NXPE2: variants seen among roughly 807,000 people sequenced by gnomAD.
NXPE2 encodes neurexophilin and PC-esterase domain family member 2, also known as NXPE family member 2.
NXPE2 carries 34 observed loss-of-function variants against 34.4 expected under a neutral mutation model. That is an observed-to-expected ratio of 0.99 (90% CI 0.75 to 1.31). The LOEUF is 1.31. Among genes scored for constraint, NXPE2 ranks in the 40% most tolerant of loss-of-function variants. The pLI, the probability that NXPE2 is intolerant of heterozygous loss-of-function variation, is 0.00. For synonymous variants in NXPE2, 235 were observed against 231.3 expected (o/e 1.02, Z -0.15); for missense variants, 649 against 672.5 (o/e 0.97, Z 0.39).
At chr11:114,624,946 CGTGA>C in the NXPE2 span, among the ~76,000 whole-genome samples, 1,954 of 152,160 alleles carry the variant, frequency 0.013, 30 homozygotes, top group African/African-American at 0.044. Flanking sequence ...CGTGTTGCCT[CGTGA>C]GTAACCACTG....
chr11:114,631,927 G>A, the NXPE2 span, among the ~76,000 whole-genome samples: 45 of 150,952 alleles, frequency 3.0e-4, no homozygotes, highest in African/African-American at 1.1e-3. Context: ...GTTACCCGGT[G>A]GATAATAAAT....
At chr11:114,812,112 C>A in the NXPE2 span, among the ~76,000 whole-genome samples, 1 of 152,212 alleles carries the variant, frequency 6.6e-6, no homozygotes, top group Admixed American at 6.5e-5. Context: ...TTTAATCACA[C>A]ACAGTGGAGT....
chr11:114,673,047 T>G, the NXPE2 span, among the ~76,000 whole-genome samples: 1 of 148,962 alleles, frequency 6.7e-6, no homozygotes, highest in Non-Finnish European at 1.5e-5. Flanking sequence ...GACCACATAC[T>G]ATGCCATAAA....
the NXPE2 span, among the ~76,000 whole-genome samples, chr11:114,776,924 T>G: frequency 4.6e-5 from 7 of 152,360 alleles, no homozygotes; most frequent in Non-Finnish European, 1.0e-4. Flanking sequence ...CAAACAACTT[T>G]ATAAGTATTA....
At chr11:114,794,117 C>T in the NXPE2 span, among the ~76,000 whole-genome samples, 1 of 152,152 alleles carries the variant, frequency 6.6e-6, no homozygotes, top group South Asian at 2.1e-4. Context: ...TTTAGCACTT[C>T]CTGCTGAGTC....
At chr11:114,580,919 TTGAGGTAGCCACAATGG>T in the NXPE2 span, among the ~76,000 whole-genome samples, 2 of 151,954 alleles carry the variant, frequency 1.3e-5, no homozygotes, top group African/African-American at 4.8e-5. Context: ...AATCCACAGG[TTGAGGTAGCCACAATGG>T]TGAGGAGCCC....
At chr11:114,639,752 A>T in the NXPE2 span, among the ~76,000 whole-genome samples, 1 of 129,872 alleles carries the variant, frequency 7.7e-6, no homozygotes, top group Non-Finnish European at 1.6e-5. Context: ...TATATAATAT[A>T]TATTATATTA....
At chr11:114,577,641 G>A in the NXPE2 span, among the ~76,000 whole-genome samples, 1 of 152,146 alleles carries the variant, frequency 6.6e-6, no homozygotes, top group Non-Finnish European at 1.5e-5. Context: ...AATGGAGTGG[G>A]GATGGAAAGG....
chr11:114,485,498 G>A, the NXPE2 span, among the ~76,000 whole-genome samples: 1 of 149,632 alleles, frequency 6.7e-6, no homozygotes, highest in African/African-American at 2.5e-5. Context: ...CCAAAGTGTT[G>A]GGATTACAGG....
the NXPE2 span, chr11:114,551,464 C>T: frequency 1.7e-6 from 2 of 1,188,914 alleles, no homozygotes; most frequent in Non-Finnish European, 2.1e-6. Flanking sequence ...TCAAAGTCAC[C>T]TTATAGGTTC....
chr11:114,723,833 A>T, the NXPE2 span, among the ~76,000 whole-genome samples: 1 of 152,146 alleles, frequency 6.6e-6, no homozygotes, highest in Non-Finnish European at 1.5e-5. Context: ...TGTGATAGGT[A>T]AGCATGGAAG....
chr11:114,488,186 A>G, the NXPE2 span, among the ~76,000 whole-genome samples: 1 of 152,056 alleles, frequency 6.6e-6, no homozygotes, highest in African/African-American at 2.4e-5. Context: ...ATTACTTGTG[A>G]TTGGCCTATT....
At chr11:114,702,348 T>C (rs954842991) in intron 3 of NXPE2, among the ~76,000 whole-genome samples, 1 of 152,184 alleles carries the variant, frequency 6.6e-6, no homozygotes, top group African/African-American at 2.4e-5. Flanking sequence ...AAATTTTTCT[T>C]TGGTAACCAA....
chr11:114,534,036 A>C, the NXPE2 span, among the ~76,000 whole-genome samples: 1 of 152,188 alleles, frequency 6.6e-6, no homozygotes, highest in African/African-American at 2.4e-5. Flanking sequence ...GGCACCCCCC[A>C]GTAGGGGCAG....
At chr11:114,492,186 A>G in the NXPE2 span, among the ~76,000 whole-genome samples, 1 of 152,076 alleles carries the variant, frequency 6.6e-6, no homozygotes, top group Non-Finnish European at 1.5e-5. Context: ...AAATAAAAAC[A>G]TCAACTTTCC....
chr11:114,541,036 G>A, the NXPE2 span, among the ~76,000 whole-genome samples: 2 of 151,830 alleles, frequency 1.3e-5, no homozygotes, highest in African/African-American at 4.8e-5. Flanking sequence ...CACCTGTGGG[G>A]TAGACCCAAA....
At chr11:114,465,559 T>A in the NXPE2 span, among the ~76,000 whole-genome samples, 1 of 152,200 alleles carries the variant, frequency 6.6e-6, no homozygotes, top group African/African-American at 2.4e-5. Context: ...GGAAGAGGGC[T>A]ATGCAGGAAG....
At chr11:114,502,447 T>C in the NXPE2 span, among the ~76,000 whole-genome samples, 1 of 152,230 alleles carries the variant, frequency 6.6e-6, no homozygotes, top group African/African-American at 2.4e-5. Context: ...TCACTGTTTC[T>C]GTCTTCATCT....
At chr11:114,511,537 T>G in the NXPE2 span, among the ~76,000 whole-genome samples, 1 of 152,322 alleles carries the variant, frequency 6.6e-6, no homozygotes, top group Admixed American at 6.5e-5. Flanking sequence ...AAATATCAAC[T>G]CATCATTTGT....
Sources: gnomAD v4.1 joint callset for allele counts (sites outside exome capture counted in the v4.1 genomes callset) on GRCh38, gnomAD v4.1.1 for gene constraint, MANE v1.5 for transcripts, NCBI Gene and HGNC (gene_info 2026-07-23, HGNC 2026-07-21) for gene names.